The following GPC3 variants were observed in gnomAD, a reference collection of about 807,000 sequenced individuals.
The protein encoded by GPC3 is glypican-3.
In GPC3, 3 loss-of-function variants were observed where a neutral mutation model predicts 34.4. That is an observed-to-expected ratio of 0.09 (90% CI 0.04 to 0.23). The LOEUF (loss-of-function observed/expected upper bound fraction) is 0.23, where lower values mean the gene tolerates loss of function less well. Among genes scored for constraint, GPC3 ranks in the 10% least tolerant of loss-of-function variants. The pLI is 1.00. For missense variants in GPC3, 351 were observed against 445.6 expected (o/e 0.79, Z 1.91); for synonymous variants, 177 against 174.0 (o/e 1.02, Z -0.13).
intron 2 of GPC3, among the ~76,000 whole-genome samples, chrX:133,909,497 A>C (rs1219176921): frequency 8.9e-6 from 1 of 111,757 alleles, no homozygotes; most frequent in Non-Finnish European, 1.9e-5. Flanking sequence ...CTCACTTTCT[A>C]CTTTCTTCAA....
intron 2 of GPC3, among the ~76,000 whole-genome samples, chrX:133,869,152 T>C (rs2075982502): frequency 8.9e-6 from 1 of 111,972 alleles, no homozygotes; most frequent in South Asian, 3.8e-4. Flanking sequence ...TTTTCTTTCA[T>C]GCACTTAAAA....
At chrX:133,649,514 A>G (rs1224201470) in intron 6 of GPC3, among the ~76,000 whole-genome samples, 4 of 111,130 alleles carry the variant, frequency 3.6e-5, no homozygotes, top group African/African-American at 9.8e-5. Flanking sequence ...TGATCAATCA[A>G]TTTGTCACAC....
At chrX:133,788,606 C>T (rs903016485) in intron 2 of GPC3, among the ~76,000 whole-genome samples, 4 of 109,484 alleles carry the variant, frequency 3.7e-5, no homozygotes, top group African/African-American at 1.0e-4. Flanking sequence ...ATGGTTGCCA[C>T]GCTACTTTTG....
chrX:133,960,342 A>G (rs181322527), intron 1 of GPC3, among the ~76,000 whole-genome samples: 265 of 110,537 alleles, frequency 2.4e-3, no homozygotes, highest in Admixed American at 4.9e-3. Flanking sequence ...CTGTTTAGGA[A>G]GATTAGCCAT....
At chrX:133,894,314 T>C (rs2076101989) in intron 2 of GPC3, among the ~76,000 whole-genome samples, 1 of 112,355 alleles carries the variant, frequency 8.9e-6, no homozygotes, top group Non-Finnish European at 1.9e-5. Flanking sequence ...TAAATTGTTC[T>C]CTCTTCTACT....
rs1196585807 is a variant in GPC3 at position 133,559,954 on chromosome X, CTCTA to C, written c.1574-23665_1574-23662del. Among the ~76,000 whole-genome samples the C allele has an allele frequency of 5.4e-5, 6 of 111,194 alleles. No individual in the cohort carries two copies. The South Asian group carries it at 2.3e-3, about 43-fold the overall frequency. Reference sequence around the variant, plus strand: ...CTCTCTCTCATCTCTCTTTTTCTCTCTCTAATCTTTATTGTTTGATGAGCCAAAG... The same window carrying C: ...CTCTCTCTCATCTCTCTTTTTCTCTCATCTTTATTGTTTGATGAGCCAAAG... On this transcript the variant is annotated intron_variant, in intron 7 of 7. Transcript: ENST00000370818.
chrX:133,803,899 C>A (rs1226011648), intron 2 of GPC3, among the ~76,000 whole-genome samples: 1 of 110,072 alleles, frequency 9.1e-6, no homozygotes, highest in East Asian at 2.8e-4. Flanking sequence ...GCCCAGCACT[C>A]TGAATTTTTA....
At chrX:133,864,333 TTGA>T (rs2075956701) in intron 2 of GPC3, among the ~76,000 whole-genome samples, 1 of 111,795 alleles carries the variant, frequency 8.9e-6, no homozygotes, top group East Asian at 2.8e-4. Flanking sequence ...TTCACAGGGA[TTGA>T]CTCTGAAGAA....
At chrX:133,906,905 T>C (rs1420984941) in intron 2 of GPC3, among the ~76,000 whole-genome samples, 1 of 111,372 alleles carries the variant, frequency 9.0e-6, no homozygotes, top group Non-Finnish European at 1.9e-5. Flanking sequence ...GAGACCATCC[T>C]GGCTAACAAA....
At chrX:133,757,144 A>G (rs931957453) in intron 2 of GPC3, among the ~76,000 whole-genome samples, 6 of 112,455 alleles carry the variant, frequency 5.3e-5, no homozygotes, top group Admixed American at 3.8e-4. Flanking sequence ...TATCATGAAC[A>G]TTTTGGCATT....
At chrX:133,577,702 T>C (rs1294734460) in intron 7 of GPC3, among the ~76,000 whole-genome samples, 1 of 112,305 alleles carries the variant, frequency 8.9e-6, no homozygotes, top group Non-Finnish European at 1.9e-5. Context: ...TTAATTCCTA[T>C]TCCTACTGAT....
chrX:133,795,871 C>T (rs1302743401), intron 2 of GPC3, among the ~76,000 whole-genome samples: 11 of 107,136 alleles, frequency 1.0e-4, no homozygotes, highest in African/African-American at 3.4e-4. Flanking sequence ...TCATTTTTCA[C>T]AGTTTAATAT....
At chrX:133,647,953 G>A (rs1399923177) in intron 6 of GPC3, among the ~76,000 whole-genome samples, 1 of 112,153 alleles carries the variant, frequency 8.9e-6, no homozygotes, top group African/African-American at 3.2e-5. Context: ...GGTTCAATAA[G>A]GGACAAATCT....
At chrX:133,783,206 T>C (rs1000944065) in intron 2 of GPC3, among the ~76,000 whole-genome samples, 5 of 111,041 alleles carry the variant, frequency 4.5e-5, no homozygotes, top group African/African-American at 1.6e-4. Context: ...GGGCAGAATT[T>C]CTAGGAGTTA....
intron 3 of GPC3, among the ~76,000 whole-genome samples, chrX:133,748,542 C>A (rs759155600): frequency 9.0e-6 from 1 of 111,123 alleles, no homozygotes; most frequent in Non-Finnish European, 1.9e-5. Flanking sequence ...CACAAATCTT[C>A]TCTTTCCCCC....
chrX:133,575,161 T>C (rs1459008893), intron 7 of GPC3, among the ~76,000 whole-genome samples: 1 of 112,383 alleles, frequency 8.9e-6, no homozygotes, highest in Non-Finnish European at 1.9e-5. Flanking sequence ...CTGAGCTTTA[T>C]ATCCCTTATC....
chrX:133,827,281 G>T (rs2075752118), intron 2 of GPC3, among the ~76,000 whole-genome samples: 1 of 111,922 alleles, frequency 8.9e-6, no homozygotes, highest in Non-Finnish European at 1.9e-5. Flanking sequence ...AAGAAATAAA[G>T]AACACAGGTA....
intron 2 of GPC3, among the ~76,000 whole-genome samples, chrX:133,923,294 C>T (rs1467943522): frequency 8.9e-6 from 1 of 111,810 alleles, no homozygotes; most frequent in African/African-American, 3.3e-5. Flanking sequence ...ATCAAACTTG[C>T]TAAACACAGG....
At chrX:133,740,824 A>AT (rs1282363653) in intron 3 of GPC3, among the ~76,000 whole-genome samples, 1 of 110,876 alleles carries the variant, frequency 9.0e-6, no homozygotes, top group Non-Finnish European at 1.9e-5. Flanking sequence ...TTTTTAAAGT[A>AT]TTTTTTCAAA....
Sources: gnomAD v4.1 joint callset for allele counts (sites outside exome capture counted in the v4.1 genomes callset) on GRCh38, gnomAD v4.1.1 for gene constraint, MANE v1.5 for transcripts, NCBI Gene and HGNC (gene_info 2026-07-23, HGNC 2026-07-21) for gene names.